Variants in ITGA7 observed in about 807,000 individuals in gnomAD.
ITGA7 encodes the protein integrin subunit alpha 7, also known as integrin alpha-7.
Under a neutral mutation model 131.6 loss-of-function variants are expected in ITGA7, and 84 were observed. The ratio of observed to expected loss-of-function variants is 0.64; its 90% CI spans 0.54 to 0.77. ITGA7 has a LOEUF of 0.77. Among genes scored for constraint, ITGA7 ranks in the 30% least tolerant of loss-of-function variants. The pLI is 0.00. For missense variants in ITGA7, 1,399 were observed against 1,482.9 expected, an observed-to-expected ratio of 0.94 and a Z score of 0.93; for synonymous variants, 548 against 600.7, an observed-to-expected ratio of 0.91 and a Z score of 1.28.
chr12:55,696,853 T>C (rs778534635), intron 12 of ITGA7, 46 bp downstream of exon 12: 13 of 1,605,614 alleles, frequency 8.1e-6, no homozygotes, highest in Middle Eastern at 3.3e-4. Context: ...GGAAAAGAGA[T>C]GGAGCCATGA....
intron 5 of ITGA7, 141 bp from the exon 6 acceptor site, chr12:55,699,058 G>T: frequency 1.3e-6 from 1 of 747,764 alleles, no homozygotes; most frequent in Non-Finnish European, 2.2e-6. Context: ...CCCTCCCCTA[G>T]GTTAAGAGCC....
Position 55,695,168 on chromosome 12 carries a change from A to G in ITGA7, c.2004-198T>C. ...GGACCTCCGTTCTCATCTCAGCTCCACCATTACTTACCTTGGCCAAGTAAC... is the reference window on the plus strand; with the variant it reads ...GGACCTCCGTTCTCATCTCAGCTCCGCCATTACTTACCTTGGCCAAGTAAC... On this transcript the variant is annotated intron_variant, in intron 14 of 24. Transcript: ENST00000257879. 9 of 613,168 alleles carry G rather than the reference A, an allele frequency of 1.5e-5. No homozygotes were observed. In the South Asian group the frequency reaches 1.8e-4, roughly 12 times the overall value. The allele number at this position is 613,168 out of a possible 1,614,324, so 38.0% of individuals were successfully genotyped here.
intron 1 of ITGA7, among the ~76,000 whole-genome samples, chr12:55,705,152 C>T (rs1312156532): frequency 1.3e-5 from 2 of 152,006 alleles, no homozygotes; most frequent in East Asian, 3.9e-4. Flanking sequence ...GGGAGGGGCC[C>T]ATGTGGAAGA....
chr12:55,711,226 T>C (rs1318853748), upstream of ITGA7, among the ~76,000 whole-genome samples: 1 of 152,176 alleles, frequency 6.6e-6, no homozygotes, highest in Non-Finnish European at 1.5e-5. Flanking sequence ...GACATGGTAA[T>C]CCCAGCACTT....
Position 55,694,107 on chromosome 12 carries a change from G to A in ITGA7, c.2449C>T (p.Gln817Ter). 6.2e-7 allele frequency: 1 copy of A among 1,614,220 alleles called. No individual in the cohort carries two copies. Among genetic ancestry groups the A allele is most frequent in the Non-Finnish European group, 8.5e-7 (1 of 1,180,016 alleles). ...LSIAGMAIPQQLFFSGVVRGE... is the reference protein window; with the variant it reads ...LSIAGMAIPQ Reference sequence around the variant, plus strand: ...CTCACCACACCAGAGAAGAAGAGTTGCTGGGGAATGGCCATTCTGGCGTGG... The same window carrying A: ...CTCACCACACCAGAGAAGAAGAGTTACTGGGGAATGGCCATTCTGGCGTGG... Residue 817 changes from glutamine (Q) to a stop codon, truncating the protein, a stop_gained, in exon 19 of 25, where the codon CAA becomes TAA. Coordinates refer to ENST00000257879, the MANE Select transcript of ITGA7 (RefSeq NM_002206.3). LOFTEE classifies it high-confidence loss of function. This position sits in a 1 kb window ranked among gnomAD's most constrained non-coding sequence, Gnocchi z 5.3.
chr12:55,698,148 A>C (rs978436526), intron 7 of ITGA7, 122 bp from the exon 8 acceptor site: 21 of 994,604 alleles, frequency 2.1e-5, no homozygotes, highest in Non-Finnish European at 3.0e-5. Flanking sequence ...ACAAAATCCC[A>C]GGCACTCTAC....
chr12:55,702,689 CA>C, intron 3 of ITGA7, 182 bp downstream of exon 3: 1 of 647,096 alleles, frequency 1.5e-6, no homozygotes, highest in Non-Finnish European at 2.8e-6. Context: ...AATGGACAGA[CA>C]TTTTTACATT....
intron 7 of ITGA7, 53 bp from the exon 8 acceptor site, chr12:55,698,079 G>C: frequency 6.5e-7 from 1 of 1,529,162 alleles, no homozygotes; most frequent in Non-Finnish European, 9.1e-7. Flanking sequence ...TTGCAGACAA[G>C]ATCCAGGCCT....
upstream of ITGA7, among the ~76,000 whole-genome samples, chr12:55,715,106 G>C (rs1235784156): frequency 6.6e-6 from 1 of 152,072 alleles, no homozygotes; most frequent in Admixed American, 6.6e-5. Context: ...TGATCCGCCC[G>C]CCTCGGCCTC....
upstream of ITGA7, among the ~76,000 whole-genome samples, chr12:55,713,810 C>T (rs1876304769): frequency 6.6e-6 from 1 of 152,186 alleles, no homozygotes. Context: ...TTGCACATCT[C>T]CCAGGATTTG....
At chr12:55,700,206 G>A (rs1454195383) in intron 4 of ITGA7, 5 of 1,557,762 alleles carry the variant, frequency 3.2e-6, no homozygotes, top group Non-Finnish European at 4.3e-6. Context: ...GGAGAGAGAG[G>A]ACAAGAGAGA....
upstream of ITGA7, among the ~76,000 whole-genome samples, chr12:55,710,614 C>T (rs1465246527): frequency 6.6e-6 from 1 of 151,760 alleles, no homozygotes; most frequent in Non-Finnish European, 1.5e-5. Flanking sequence ...CCCATCTCTA[C>T]AAAAAATAGA....
intron 4 of ITGA7, chr12:55,700,443 C>A: frequency 6.4e-7 from 1 of 1,565,288 alleles, no homozygotes; most frequent in Non-Finnish European, 8.6e-7. Context: ...AGGAACACCC[C>A]TCAGGCCGGA....
chr12:55,698,019 T>C lies in ITGA7; in HGVS notation c.1200A>G (p.Ala400=). The C allele has an allele frequency of 1.9e-6, 3 of 1,614,110 alleles. No individual in the cohort carries two copies. The highest frequency in any genetic ancestry group is 2.5e-6 in the Non-Finnish European group (3 of 1,180,012). Residue 400 remains alanine (A), a synonymous_variant, in exon 8 of 25, where the codon GCA becomes GCG. Coordinates refer to ENST00000257879, the MANE Select transcript of ITGA7 (RefSeq NM_002206.3). ...DLNQDGFPDI[A]VGAPFDGDGK... The stretch of plus-strand genomic sequence containing the variant: ...CATCACCATCAAAGGGGGCACCCAC[T>C]GCAATATCTGCAGGGCACAGGGAAA...
Position 55,697,969 on chromosome 12 carries a change from C to T in ITGA7, c.1250G>A (p.Ser417Asn), listed in dbSNP as rs1474781964. 1 of 1,614,148 alleles carries T rather than the reference C, an allele frequency of 6.2e-7. No individual in the cohort carries two copies. Residue 417 changes from serine (S) to asparagine (N), a missense_variant, in exon 8 of 25, where the codon AGC (serine) becomes AAC (asparagine). Physicochemically the swap from Ser to Asn is conservative, Grantham distance 46. Transcript: ENST00000257879. The stretch of plus-strand genomic sequence containing the variant: ...AGGTTTGGCGACAACCCCCAGGCTG[C>T]TCCCATGGTAGATGAAGACTTTCCC... ...GDGKVFIYHG[S>N]SLGVVAKPSQ...
In ITGA7 at chr12:55,707,660, TCG is replaced by T; in HGVS notation, c.21_22del (p.Asp8ProfsTer94). The T allele has an allele frequency of 6.3e-7, 1 of 1,585,498 alleles. No homozygotes were observed. The highest frequency in any genetic ancestry group is 8.6e-7 in the Non-Finnish European group (1 of 1,165,912). ...GCAAATCCCGGAGGCCCCCCAAGGG[TCG>T]CGGCTCCGAGCCCCGGCCATGGGAC... On this transcript the variant is annotated frameshift_variant, in exon 1 of 25. Transcript: ENST00000257879. LOFTEE classifies it high-confidence loss of function.
At chr12:55,700,158 G>T in intron 4 of ITGA7, 169 bp from the exon 5 acceptor site, 1 of 1,433,902 alleles carries the variant, frequency 7.0e-7, no homozygotes. Flanking sequence ...AGAGAGACAA[G>T]GTGAGAGACA....
upstream of ITGA7, among the ~76,000 whole-genome samples, chr12:55,714,561 C>G (rs966702697): frequency 6.7e-6 from 1 of 150,302 alleles, no homozygotes; most frequent in African/African-American, 2.5e-5. Context: ...TGGCACATGC[C>G]TGTAATCCCA....
chr12:55,698,321 G>T (rs897328094), intron 7 of ITGA7, 62 bp downstream of exon 7: 3 of 1,460,258 alleles, frequency 2.1e-6, no homozygotes, highest in Non-Finnish European at 2.8e-6. Context: ...TGACCTCTGA[G>T]GGGCTTCCCC....
Sources: gnomAD v4.1 joint callset for allele counts (sites outside exome capture counted in the v4.1 genomes callset) on GRCh38, gnomAD v4.1.1 for gene constraint, Gnocchi (gnomAD v3.1) non-coding constraint, MANE v1.5 for transcripts, NCBI Gene and HGNC (gene_info 2026-07-23, HGNC 2026-07-21) for gene names.